TTN: variants seen among roughly 807,000 people sequenced by gnomAD.
TTN encodes connectin.
TTN carries 1,525 observed loss-of-function variants against 3,223.0 expected under a neutral mutation model. That is an observed-to-expected ratio of 0.47 (90% CI 0.45 to 0.49). The LOEUF is 0.49. Among genes scored for constraint, TTN ranks in the 20% least tolerant of loss-of-function variants. The probability of loss-of-function intolerance (pLI) is 0.00; values close to 1 mark genes in which losing one functional copy is unlikely to be tolerated. For missense variants in TTN, 40,786 were observed against 43,424.0 expected (o/e 0.94, Z 5.40); for synonymous variants, 14,094 against 15,161.0 (o/e 0.93, Z 5.17).
At chr2:178,786,176 A>G in intron 13 of TTN, 35 bp from the exon 14 acceptor site, 1 of 1,609,280 alleles carries the variant, frequency 6.2e-7, no homozygotes, top group Non-Finnish European at 8.5e-7. Flanking sequence ...ATACATAGGA[A>G]TATCGAGATC....
chr2:178,632,896 G>C (rs1167653142), intron 234 of TTN, 22 bp downstream of exon 234: 2 of 1,611,588 alleles, frequency 1.2e-6, no homozygotes, highest in Admixed American at 3.3e-5. Context: ...ATACAAAAAC[G>C]TGGCTGACAA....
At chr2:178,719,130 T>G in intron 83 of TTN, 34 bp downstream of exon 83, 5 of 1,585,380 alleles carry the variant, frequency 3.2e-6, no homozygotes, top group Non-Finnish European at 4.3e-6. Flanking sequence ...AAAGAGGTGT[T>G]AGAGAAGCAG....
At position 178,639,791 on chromosome 2, in the gene TTN, G is replaced by A. The variant is rs754676184; in HGVS notation, c.40787-3C>T. On this transcript the variant is annotated splice_polypyrimidine_tract_variant and splice_region_variant and intron_variant, in intron 222 of 362. Coordinates refer to ENST00000589042, the MANE Select transcript of TTN (RefSeq NM_001267550.2). ...AGGTGGTTTGATTGTTTTCACTTCT[G>A]TAGAGAGAAGTCCATTGCATTAGTG... 4 of 1,578,824 alleles carry A rather than the reference G, an allele frequency of 2.5e-6. No homozygotes were observed. The highest frequency in any genetic ancestry group is 3.4e-6 in the Non-Finnish European group (4 of 1,166,232).
chr2:178,750,283 A>C, intron 47 of TTN: 3 of 1,613,242 alleles, frequency 1.9e-6, no homozygotes, highest in Non-Finnish European at 2.5e-6. Flanking sequence ...CTTTGACATC[A>C]TGTTTTTGTT....
At chr2:178,774,871 G>A (rs1300687526) in intron 29 of TTN, 50 bp downstream of exon 29, 2 of 1,607,454 alleles carry the variant, frequency 1.2e-6, no homozygotes. Context: ...CACATGCTAA[G>A]GGTGACTTTA....
chr2:178,707,989 A>AT (rs2076127475), intron 99 of TTN, among the ~76,000 whole-genome samples, 176 bp from the exon 100 acceptor site: 1 of 152,152 alleles, frequency 6.6e-6, no homozygotes, highest in African/African-American at 2.4e-5. Flanking sequence ...AATTTGTTGG[A>AT]TTTTTTAAAA....
At position 178,532,619 on chromosome 2, in the gene TTN, G is replaced by C. The variant is rs201240519; in HGVS notation, c.103996C>G (p.Pro34666Ala). 63 of 1,613,822 alleles carry C rather than the reference G, an allele frequency of 3.9e-5. No homozygotes were observed. Among genetic ancestry groups the C allele is most frequent in the Middle Eastern group, 3.3e-4 (2 of 6,084 alleles). ...GDISDEELLL[P>A]IDDYLAMKRT... The stretch of plus-strand genomic sequence containing the variant: ...TTCATTGCTAAGTAGTCATCAATGG[G>C]GAGGAGTAATTCTTCATCAGAGATG... Residue 34666 changes from proline to alanine, a missense_variant, in exon 358 of 363, where the codon CCC becomes GCC. Transcript: ENST00000589042.
intron 127 of TTN, 50 bp from the exon 128 acceptor site, chr2:178,685,648 T>C (rs776547012): frequency 2.6e-5 from 41 of 1,566,100 alleles, no homozygotes; most frequent in Admixed American, 3.6e-5. Flanking sequence ...TTTTTCATGT[T>C]TATTTTTAGC....
In TTN at chr2:178,539,016, G is replaced by A. The variant is rs776133124; in HGVS notation, c.98919C>T (p.Ile32973=). ...CACTCAGGCCAACATCATTCTGTGC[G>A]ATGATGCGGAACTGATACTCAGCAT... The part of the protein sequence containing the change: ...VPDAEYQFRI[I]AQNDVGLSET... The change falls in exon 353 of 363, where the codon ATC becomes ATT. Residue 32973 remains isoleucine (I), a synonymous_variant. Coordinates refer to ENST00000589042, the MANE Select transcript of TTN (RefSeq NM_001267550.2). The A allele has an allele frequency of 6.8e-6, 11 of 1,613,764 alleles. No individual in the cohort carries two copies. Among genetic ancestry groups the A allele is most frequent in the Non-Finnish European group, 7.6e-6 (9 of 1,179,720 alleles).
chr2:178,751,616 A>G (rs1354096037), intron 47 of TTN: 2 of 1,613,352 alleles, frequency 1.2e-6, no homozygotes, highest in East Asian at 2.2e-5. Context: ...GATAACAAGC[A>G]ATGATGCAGT....
chr2:178,749,660 G>A (rs920107382), intron 47 of TTN: 3 of 1,612,812 alleles, frequency 1.9e-6, no homozygotes, highest in African/African-American at 1.3e-5. Context: ...AGGCTCCACT[G>A]TTAGATCTGA....
rs776539070 is a variant in TTN, at chr2:178,552,873, T to C, written c.90027A>G (p.Ala30009=). 1 of 1,613,842 alleles carries C rather than the reference T, an allele frequency of 6.2e-7. No homozygotes were observed. Among genetic ancestry groups the C allele is most frequent in the East Asian group, 2.2e-5 (1 of 44,834 alleles). ...EKTPFFFRVL[A]ENEIGIGEPC... is the part of the protein sequence containing the mutation. ...GTTCCCCAATTCCAATTTCATTTTC[T>C]GCAAGAACTCTGAAGAAGAATGGAG... is the stretch of plus-strand genomic sequence containing the variant. Residue 30009 remains alanine, a synonymous_variant, in exon 335 of 363, where the codon GCA becomes GCG. Transcript: ENST00000589042.
At chr2:178,778,212 G>C in intron 24 of TTN, 1 of 533,802 alleles carries the variant, frequency 1.9e-6, no homozygotes, top group Non-Finnish European at 3.3e-6. Context: ...CAGGTACCCA[G>C]GCTCAAAAAT....
Position 178,620,589 on chromosome 2 carries a change from A to C in TTN, c.45932T>G (p.Ile15311Ser). ...DLRIVEPLKD[I>S]ETMEKKSVTF... is the part of the protein sequence containing the mutation. ...GACAGATTTCTTCTCCATTGTTTCA[A>C]TATCTTTAAGAGGCTCAACAATCCT... is the stretch of plus-strand genomic sequence containing the variant. The change falls in exon 248 of 363, where the codon ATT becomes AGT. Residue 15311 changes from isoleucine to serine, a missense_variant. Ile to Ser is a moderately radical substitution (Grantham distance 142). Coordinates refer to ENST00000589042, the MANE Select transcript of TTN (RefSeq NM_001267550.2). 6.2e-7 allele frequency: 1 copy of C among 1,611,044 alleles called. No homozygotes were observed. The highest frequency in any genetic ancestry group is 8.5e-7 in the Non-Finnish European group (1 of 1,178,426).
At position 178,732,510 on chromosome 2, in the gene TTN, C is replaced by T. The variant is rs376037792; in HGVS notation, c.16551G>A (p.Ser5517=). The T allele has an allele frequency of 9.4e-5, 152 of 1,613,622 alleles. No individual in the cohort carries two copies. Among genetic ancestry groups the T allele is most frequent in the Middle Eastern group, 6.6e-4 (4 of 6,054 alleles). The change falls in exon 56 of 363, where the codon TCG becomes TCA. Residue 5517 remains serine (S), a synonymous_variant. Transcript: ENST00000589042. ...TGCTGACTTTACATGTGTACGTGCCCGAATCAGAGGTTTTTACTAAATAGA... is the reference window on the plus strand; with the variant it reads ...TGCTGACTTTACATGTGTACGTGCCTGAATCAGAGGTTTTTACTAAATAGA... ...LELYLVKTSD[S]GTYTCKVSNV...
rs1559449398 is a variant in TTN at position 178,575,418 on chromosome 2, G to A, written c.70714C>T (p.Gln23572Ter). The A allele has an allele frequency of 6.2e-7, 1 of 1,613,562 alleles. No homozygotes were observed. Residue 23572 changes from glutamine (Q) to a stop codon, truncating the protein, a stop_gained, in exon 326 of 363, where the codon CAA becomes TAA. Transcript: ENST00000589042. LOFTEE classifies it high-confidence loss of function. This position sits in a 1 kb window ranked among gnomAD's most constrained non-coding sequence, Gnocchi z 4.0. The part of the protein sequence containing the change: ...SKITGYVIEA[Q>*]RKGSDQWTHI... The stretch of plus-strand genomic sequence containing the variant: ...GTCCACTGGTCAGAGCCTTTTCTTT[G>A]GGCTTCAATCACATAGCCAGTGATC...
intron 99 of TTN, 45 bp downstream of exon 99, chr2:178,709,521 C>A: frequency 6.4e-7 from 1 of 1,559,756 alleles, no homozygotes; most frequent in African/African-American, 1.4e-5. Context: ...ATATAACAGG[C>A]AGTGAAGAAA....
chr2:178,550,527 A>G, intron 336 of TTN: 1 of 475,774 alleles, frequency 2.1e-6, no homozygotes, highest in Non-Finnish European at 3.7e-6. Flanking sequence ...AAGGAAAGTG[A>G]AACATTTACA....
At chr2:178,684,143 C>T in intron 132 of TTN, 61 bp from the exon 133 acceptor site, 4 of 1,569,550 alleles carry the variant, frequency 2.5e-6, no homozygotes, top group Non-Finnish European at 3.5e-6. Flanking sequence ...AAAAAGGCAG[C>T]CATAAAGTAG....
Sources: gnomAD v4.1 joint callset for allele counts (sites outside exome capture counted in the v4.1 genomes callset) on GRCh38, gnomAD v4.1.1 for gene constraint, Gnocchi (gnomAD v3.1) non-coding constraint, MANE v1.5 for transcripts, NCBI Gene and HGNC (gene_info 2026-07-23, HGNC 2026-07-21) for gene names.